The following MYPN variants were observed in gnomAD, a reference collection of about 807,000 sequenced individuals.
MYPN encodes myopalladin.
A neutral mutation model predicts 129.4 loss-of-function variants in MYPN; 63 were observed. That is an observed-to-expected ratio of 0.49 (90% CI 0.40 to 0.60). MYPN has a LOEUF of 0.60. Among genes scored for constraint, MYPN ranks in the 20% least tolerant of loss-of-function variants. The pLI is 0.00. For missense variants in MYPN, 1,596 were observed against 1,635.4 expected, an observed-to-expected ratio of 0.98 and a Z score of 0.42; for synonymous variants, 629 against 600.9, an observed-to-expected ratio of 1.05 and a Z score of -0.68.
At position 68,148,306 on chromosome 10, in the gene MYPN, A is replaced by T. The variant is rs11598744; in HGVS notation, c.1131-47A>T. On this transcript the variant is annotated intron_variant, in intron 4 of 19. Transcript: ENST00000358913. ...TAGTTTTCCTAAAATAATTTTCACA[A>T]AGAGTGATAGGTCTATTTTATAATC... is the stretch of plus-strand genomic sequence containing the variant. 0.021 allele frequency: 29,543 copies of T among 1,423,792 alleles called. 914 individuals carry two copies. Among genetic ancestry groups the T allele is most frequent in the African/African-American group, 0.14 (9,502 of 69,608 alleles). 88.2% of individuals were successfully genotyped at this position (1,423,792 alleles called of 1,614,324 possible).
At chr10:68,115,875 C>T (rs1381629789) in intron 1 of MYPN, among the ~76,000 whole-genome samples, 1 of 152,162 alleles carries the variant, frequency 6.6e-6, no homozygotes, top group Non-Finnish European at 1.5e-5. Context: ...GGCTTTGATG[C>T]TTACTTCTAC....
At chr10:68,146,965 T>C (rs969221796) in intron 4 of MYPN, among the ~76,000 whole-genome samples, 2 of 152,166 alleles carry the variant, frequency 1.3e-5, no homozygotes, top group Non-Finnish European at 2.9e-5. Flanking sequence ...CACATCATTC[T>C]GCTTGAGACC....
upstream of MYPN, among the ~76,000 whole-genome samples, chr10:68,107,970 T>C (rs150476714): frequency 7.9e-3 from 1,203 of 152,236 alleles, 9 homozygotes; most frequent in South Asian, 0.016. Context: ...AAGATCTGAG[T>C]GGGATAGTGG....
At chr10:68,145,666 C>A in intron 4 of MYPN, 140 bp downstream of exon 4, 1 of 717,576 alleles carries the variant, frequency 1.4e-6, no homozygotes, top group Non-Finnish European at 2.4e-6. Context: ...AACAAACAAA[C>A]AAACAAACAA....
intron 6 of MYPN, chr10:68,158,085 G>C (rs1186452763): frequency 5.3e-6 from 1 of 190,126 alleles, no homozygotes; most frequent in African/African-American, 2.4e-5. Context: ...TTTAGGATGT[G>C]AGGGTGATCT....
At chr10:68,097,906 A>C (rs2041964214) in intron 1 of MYPN, among the ~76,000 whole-genome samples, 1 of 152,186 alleles carries the variant, frequency 6.6e-6, no homozygotes, top group Non-Finnish European at 1.5e-5. Flanking sequence ...CCCTTTCTTA[A>C]ATTTAGTTCA....
chr10:68,129,116 A>G (rs1163131325), intron 2 of MYPN, among the ~76,000 whole-genome samples: 3 of 151,916 alleles, frequency 2.0e-5, no homozygotes, highest in Non-Finnish European at 2.9e-5. Flanking sequence ...TTCACCTGCG[A>G]CTTGATGGAC....
chr10:68,147,889 C>T (rs764908138), intron 4 of MYPN, among the ~76,000 whole-genome samples: 2 of 152,174 alleles, frequency 1.3e-5, no homozygotes, highest in Non-Finnish European at 2.9e-5. Flanking sequence ...GCCATTTCTA[C>T]TTTCTGCCAT....
chr10:68,123,520 CAA>C (rs56730644), intron 2 of MYPN, among the ~76,000 whole-genome samples: 15 of 118,048 alleles, frequency 1.3e-4, no homozygotes, highest in African/African-American at 2.0e-4. Context: ...ACTAAAAATA[CAA>C]AAAAAAAAAA....
upstream of MYPN, among the ~76,000 whole-genome samples, chr10:68,103,990 A>C (rs1453392712): frequency 6.6e-6 from 1 of 152,094 alleles, no homozygotes; most frequent in Non-Finnish European, 1.5e-5. Context: ...GTTTGAATCT[A>C]CTCAACTGTG....
chr10:68,171,664 A>G (rs1382600674), intron 10 of MYPN, among the ~76,000 whole-genome samples: 1 of 152,230 alleles, frequency 6.6e-6, no homozygotes. Context: ...TACAGTCTCC[A>G]GGTGATTCAA....
At position 68,148,458 on chromosome 10, in the gene MYPN, C is replaced by T. The variant is rs151220474; in HGVS notation, c.1236C>T (p.Thr412=). 2 of 1,613,712 alleles carry T rather than the reference C, an allele frequency of 1.2e-6. No homozygotes were observed. Among genetic ancestry groups the T allele is most frequent in the East Asian group, 2.2e-5 (1 of 44,888 alleles). The change falls in exon 5 of 20, where the codon ACC becomes ACT. Residue 412 remains threonine (T), a synonymous_variant. Coordinates refer to ENST00000358913, the MANE Select transcript of MYPN (RefSeq NM_032578.4). ...QHLVAQPRVA[T]IQQCQSPTNY... ...TGGTGGCCCAACCTCGTGTGGCAAC[C>T]ATCCAGCAGGTACAAGAATCCAAGC...
At chr10:68,157,282 T>C (rs1318496327) in intron 6 of MYPN, among the ~76,000 whole-genome samples, 10 of 152,210 alleles carry the variant, frequency 6.6e-5, no homozygotes, top group Non-Finnish European at 1.3e-4. Context: ...TTAGTGAGCC[T>C]ATCCTGTAAA....
At chr10:68,182,408 T>TATATATAACATATATATAACAC (rs1419218314) in intron 12 of MYPN, among the ~76,000 whole-genome samples, 4 of 86,682 alleles carry the variant, frequency 4.6e-5, no homozygotes, top group Non-Finnish European at 8.1e-5. Context: ...ATATAACACA[T>TATATATAACATATATATAACAC]ATATATAACA....
At chr10:68,102,365 G>T (rs2041985993), upstream of MYPN, among the ~76,000 whole-genome samples, 1 of 152,164 alleles carries the variant, frequency 6.6e-6, no homozygotes, top group Admixed American at 6.5e-5. Flanking sequence ...CTAGGCTCAA[G>T]TCATCCACCG....
intron 10 of MYPN, among the ~76,000 whole-genome samples, chr10:68,168,089 G>A (rs1459158299): frequency 6.6e-6 from 1 of 152,108 alleles, no homozygotes. Context: ...TCTCTTTGAA[G>A]ACCCATCAGC....
At chr10:68,109,399 A>G (rs1478204590), upstream of MYPN, 1 of 411,382 alleles carries the variant, frequency 2.4e-6, no homozygotes, top group Admixed American at 2.6e-5. Flanking sequence ...CCTGCTATGG[A>G]ATCCCTTTGC....
intron 1 of MYPN, among the ~76,000 whole-genome samples, chr10:68,089,272 T>TCCA (rs1381225285): frequency 1.3e-5 from 2 of 152,072 alleles, no homozygotes; most frequent in Non-Finnish European, 2.9e-5. Context: ...CCTCAAGTGA[T>TCCA]CCACCCACTT....
At chr10:68,176,982 T>C (rs10509298) in intron 12 of MYPN, among the ~76,000 whole-genome samples, 20,365 of 152,302 alleles carry the variant, frequency 0.13, 1,815 homozygotes, top group Middle Eastern at 0.23. Flanking sequence ...AGTGTCATTG[T>C]AATTATAGCT....
Sources: gnomAD v4.1 joint callset for allele counts (sites outside exome capture counted in the v4.1 genomes callset) on GRCh38, gnomAD v4.1.1 for gene constraint, MANE v1.5 for transcripts, NCBI Gene and HGNC (gene_info 2026-07-23, HGNC 2026-07-21) for gene names.